Variants in LAMA2 observed in about 807,000 individuals in gnomAD.
LAMA2 encodes the protein laminin subunit alpha 2.
Under a neutral mutation model 364.8 loss-of-function variants are expected in LAMA2, and 269 were observed. The observed-to-expected ratio is 0.74, with a 90% CI of 0.67 to 0.82. The LOEUF is 0.82. LAMA2 is among the 40% of genes least tolerant of loss of function. The pLI is 0.00. For missense variants in LAMA2, 3,807 were observed against 3,873.2 expected, an observed-to-expected ratio of 0.98 and a Z score of 0.45; for synonymous variants, 1,379 against 1,370.6, an observed-to-expected ratio of 1.01 and a Z score of -0.14.
Position 129,297,711 on chromosome 6 carries a change from A to G in LAMA2, c.2883A>G (p.Ala961=), listed in dbSNP as rs1297095536. The G allele has an allele frequency of 1.2e-6, 2 of 1,614,022 alleles. No individual in the cohort carries two copies. Among genetic ancestry groups the G allele is most frequent in the Non-Finnish European group, 1.7e-6 (2 of 1,179,964 alleles). The part of the protein sequence containing the change: ...CKAGTFGLQS[A]RGCVPCNCNS... ...CTGGGACCTTTGGCCTACAATCAGCAAGGGGCTGTGTTCCCTGCAACTGCA... is the reference window on the plus strand; with the variant it reads ...CTGGGACCTTTGGCCTACAATCAGCGAGGGGCTGTGTTCCCTGCAACTGCA... The change falls in exon 21 of 65, where the codon GCA becomes GCG. Residue 961 remains alanine (A), a synonymous_variant. Transcript: ENST00000421865.
chr6:129,041,939 C>G (rs1787125865), intron 1 of LAMA2, among the ~76,000 whole-genome samples: 1 of 149,594 alleles, frequency 6.7e-6, no homozygotes, highest in South Asian at 2.1e-4. Flanking sequence ...TTCAAGGTTA[C>G]AGTGAAGTAT....
chr6:129,330,592 G>GTTTTTTTTT (rs1406358715), intron 29 of LAMA2, among the ~76,000 whole-genome samples: 4 of 78,532 alleles, frequency 5.1e-5, no homozygotes, highest in African/African-American at 2.1e-4. Flanking sequence ...TTGTTGTTTG[G>GTTTTTTTTT]TTTTTGTTTT....
At chr6:129,047,191 TAA>T (rs201633660) in intron 1 of LAMA2, among the ~76,000 whole-genome samples, 7 of 151,266 alleles carry the variant, frequency 4.6e-5, no homozygotes, top group Non-Finnish European at 7.4e-5. Flanking sequence ...ATGGAAAAGA[TAA>T]AAAAAAATAA....
chr6:129,314,811 C>T lies in LAMA2; in HGVS notation c.3555+13C>T. 6.2e-7 allele frequency: 1 copy of T among 1,613,766 alleles called. No homozygotes were observed. Among genetic ancestry groups the T allele is most frequent in the Non-Finnish European group, 8.5e-7 (1 of 1,179,802 alleles). ...GATCCGGACGTGGGTGAGTAGGGAA[C>T]TGCTGAGCCATGTAATGGTATAATG... On this transcript the variant is annotated intron_variant, in intron 24 of 64. Transcript: ENST00000421865.
At chr6:129,419,364 G>T (rs1365571945) in intron 40 of LAMA2, among the ~76,000 whole-genome samples, 1 of 152,044 alleles carries the variant, frequency 6.6e-6, no homozygotes, top group Non-Finnish European at 1.5e-5. Flanking sequence ...TGTTGTTTTT[G>T]ATTCTGGACA....
chr6:129,284,667 G>A (rs1562414567), intron 18 of LAMA2, among the ~76,000 whole-genome samples: 1 of 152,000 alleles, frequency 6.6e-6, no homozygotes, highest in Non-Finnish European at 1.5e-5. Context: ...AAATGATGGG[G>A]CAGAATGAGA....
intron 2 of LAMA2, among the ~76,000 whole-genome samples, chr6:129,053,228 G>T (rs904203203): frequency 7.2e-5 from 11 of 152,102 alleles, no homozygotes; most frequent in African/African-American, 2.2e-4. Context: ...ACCATGCCCG[G>T]CTAATTTTGT....
rs141948085 is a variant in LAMA2, at chr6:129,424,878, G to A, written c.5866-2874G>A. 4.1e-5 allele frequency among the ~76,000 whole-genome samples: 6 copies of A among 146,530 alleles called. No individual in the cohort carries two copies. In the East Asian group the frequency reaches 1.2e-3, roughly 28 times the overall value. On this transcript the variant is annotated intron_variant, in intron 40 of 64. Transcript: ENST00000421865. ...TGTATTTACTCCAAGATAAATGATG[G>A]CATATGTTCACCCAAAAATTTGTAC...
In LAMA2 at chr6:129,056,555, TA is replaced by T. The variant is rs751507809; in HGVS notation, c.284-3228del. 4.6e-5 allele frequency among the ~76,000 whole-genome samples: 7 copies of T among 152,282 alleles called. No individual in the cohort carries two copies. In the South Asian group the frequency reaches 1.5e-3, roughly 32 times the overall value. On this transcript the variant is annotated intron_variant, in intron 2 of 64. Coordinates refer to ENST00000421865, the MANE Select transcript of LAMA2 (RefSeq NM_000426.4). ...ATTTTTGCCCTGTCTTGTACAGTCA[TA>T]TTAAGATTTGCAATATGAATATCCA... is the stretch of plus-strand genomic sequence containing the variant.
At chr6:128,948,507 G>A (rs1467566638) in intron 1 of LAMA2, among the ~76,000 whole-genome samples, 1 of 152,140 alleles carries the variant, frequency 6.6e-6, no homozygotes, top group Non-Finnish European at 1.5e-5. Context: ...CTATGCTTGA[G>A]TCATTCCAAA....
chr6:129,433,369 C>T (rs1406830811), intron 41 of LAMA2, among the ~76,000 whole-genome samples: 1 of 152,176 alleles, frequency 6.6e-6, no homozygotes, highest in African/African-American at 2.4e-5. Flanking sequence ...GGGTGCTCTT[C>T]TTTCCTACCC....
At chr6:129,444,014 G>C (rs1782245498) in intron 44 of LAMA2, among the ~76,000 whole-genome samples, 1 of 151,990 alleles carries the variant, frequency 6.6e-6, no homozygotes, top group African/African-American at 2.4e-5. Context: ...AAATCAAAAA[G>C]GTGACTCCTT....
At position 129,265,435 on chromosome 6, in the gene LAMA2, G is replaced by C. The variant is rs146490454; in HGVS notation, c.2209-1671G>C. Among the ~76,000 whole-genome samples the C allele has an allele frequency of 2.8e-3, 433 of 152,250 alleles. 1 individual carries two copies. The highest frequency in any genetic ancestry group is 8.5e-3 in the African/African-American group (352 of 41,556). Reference sequence around the variant, plus strand: ...CTTCATGAATATCTGTCTGAAAACAGTAGATTAGTTCTCTCCCTTTTCTCA... The same window carrying C: ...CTTCATGAATATCTGTCTGAAAACACTAGATTAGTTCTCTCCCTTTTCTCA... On this transcript the variant is annotated intron_variant, in intron 15 of 64. Coordinates refer to ENST00000421865, the MANE Select transcript of LAMA2 (RefSeq NM_000426.4).
chr6:128,938,874 T>C (rs1312856481), intron 1 of LAMA2, among the ~76,000 whole-genome samples: 2 of 152,166 alleles, frequency 1.3e-5, no homozygotes, highest in African/African-American at 4.8e-5. Flanking sequence ...TAATGATCCC[T>C]GCTGCTTGAT....
intron 12 of LAMA2, among the ~76,000 whole-genome samples, chr6:129,202,692 G>A (rs1782382098): frequency 6.6e-6 from 1 of 152,062 alleles, no homozygotes; most frequent in Non-Finnish European, 1.5e-5. Flanking sequence ...AAAGTATTAG[G>A]AAAAAACAAC....
At chr6:129,407,520 A>G (rs959790610) in intron 40 of LAMA2, among the ~76,000 whole-genome samples, 3 of 152,264 alleles carry the variant, frequency 2.0e-5, no homozygotes, top group African/African-American at 7.2e-5. Context: ...ATATTTTCCT[A>G]GTACAAGTGT....
chr6:129,391,462 A>C lies in LAMA2; in HGVS notation c.5072-29A>C, dbSNP rs769759300. 8 of 1,584,354 alleles carry C rather than the reference A, an allele frequency of 5.0e-6. No homozygotes were observed. The South Asian group carries it at 8.8e-5, about 18-fold the overall frequency. ...TTTCATGTGGCATGTTTGTTTACTA[A>C]TTTACAAAATTTGTTTTACCCCCTG... On this transcript the variant is annotated intron_variant, in intron 35 of 64. Coordinates refer to ENST00000421865, the MANE Select transcript of LAMA2 (RefSeq NM_000426.4).
intron 2 of LAMA2, among the ~76,000 whole-genome samples, chr6:129,058,512 T>G (rs1321699326): frequency 2.0e-5 from 3 of 152,216 alleles, no homozygotes; most frequent in African/African-American, 7.2e-5. Flanking sequence ...TTTGGTAGGA[T>G]AGAGTTTCAT....
chr6:129,132,235 C>CGGCTCACT (rs1405749959), intron 4 of LAMA2, among the ~76,000 whole-genome samples: 3 of 150,376 alleles, frequency 2.0e-5, no homozygotes, highest in African/African-American at 7.4e-5. Flanking sequence ...GGCACAATCT[C>CGGCTCACT]GGCTCACTGC....
Sources: gnomAD v4.1 joint callset for allele counts (sites outside exome capture counted in the v4.1 genomes callset) on GRCh38, gnomAD v4.1.1 for gene constraint, MANE v1.5 for transcripts, NCBI Gene and HGNC (gene_info 2026-07-23, HGNC 2026-07-21) for gene names.